The following SH3KBP1 variants were observed in gnomAD, a reference collection of about 807,000 sequenced individuals.
SH3KBP1 encodes the protein SH3 domain containing kinase binding protein 1.
SH3KBP1 carries 8 observed loss-of-function variants against 50.1 expected under a neutral mutation model. The ratio of observed to expected loss-of-function variants is 0.16; its 90% confidence interval spans 0.09 to 0.29. The LOEUF is 0.29. Among genes scored for constraint, SH3KBP1 ranks in the 10% least tolerant of loss-of-function variants. The pLI is 1.00. For synonymous variants in SH3KBP1, 227 were observed against 218.6 expected (o/e 1.04, Z -0.34); for missense variants, 377 against 535.2 (o/e 0.70, Z 2.92).
chrX:19,784,779 A>G (rs192646441), intron 2 of SH3KBP1, among the ~76,000 whole-genome samples: 7 of 109,719 alleles, frequency 6.4e-5, no homozygotes, highest in African/African-American at 2.3e-4. Context: ...TAATTTTTAT[A>G]TTTTTAGTAG....
chrX:19,551,559 T>G (rs2065241636), intron 13 of SH3KBP1, among the ~76,000 whole-genome samples: 1 of 105,623 alleles, frequency 9.5e-6, no homozygotes, highest in Non-Finnish European at 1.9e-5. Flanking sequence ...TCTTTTTTTT[T>G]TTTTTGACAG....
At chrX:19,544,102 G>A (rs1416164389) in intron 15 of SH3KBP1, among the ~76,000 whole-genome samples, 2 of 110,975 alleles carry the variant, frequency 1.8e-5, no homozygotes, top group Non-Finnish European at 3.8e-5. Context: ...CTGGATTCAG[G>A]CTGTGCTAGA....
intron 2 of SH3KBP1, among the ~76,000 whole-genome samples, chrX:19,775,406 C>T (rs1267260901): frequency 1.8e-5 from 2 of 112,070 alleles, no homozygotes; most frequent in African/African-American, 6.5e-5. Flanking sequence ...AGCCTGTAAG[C>T]CTTTTCTGGA....
At chrX:19,720,008 A>T (rs984779687) in intron 3 of SH3KBP1, among the ~76,000 whole-genome samples, 2 of 109,935 alleles carry the variant, frequency 1.8e-5, no homozygotes, top group African/African-American at 3.3e-5. Context: ...AATTGGGATG[A>T]TGGAGACAGA....
chrX:19,704,474 A>G (rs2063608086), intron 4 of SH3KBP1, among the ~76,000 whole-genome samples: 1 of 113,043 alleles, frequency 8.8e-6, no homozygotes, highest in Non-Finnish European at 1.9e-5. Context: ...CTTCTATGAC[A>G]GAAGCATTTT....
chrX:19,849,910 T>G (rs992865511), intron 1 of SH3KBP1, among the ~76,000 whole-genome samples: 2 of 111,659 alleles, frequency 1.8e-5, no homozygotes, highest in African/African-American at 6.5e-5. Flanking sequence ...ACAAAATATA[T>G]GCTGAAACAC....
chrX:19,634,452 G>A (rs1183602332), intron 7 of SH3KBP1, among the ~76,000 whole-genome samples: 1 of 111,767 alleles, frequency 8.9e-6, no homozygotes, highest in Non-Finnish European at 1.9e-5. Flanking sequence ...TAAGGCATTA[G>A]ACACAGAATT....
intron 3 of SH3KBP1, among the ~76,000 whole-genome samples, chrX:19,721,008 C>T (rs901150912): frequency 4.5e-5 from 5 of 111,252 alleles, no homozygotes; most frequent in African/African-American, 1.6e-4. Flanking sequence ...CATGTACCCT[C>T]TCTTTTGGGG....
intron 16 of SH3KBP1, among the ~76,000 whole-genome samples, chrX:19,541,596 T>C (rs2064902173): frequency 8.9e-6 from 1 of 112,538 alleles, no homozygotes; most frequent in Non-Finnish European, 1.9e-5. Flanking sequence ...GTGGTTCATG[T>C]ACATACTGTA....
chrX:19,678,803 T>G (rs1387273975), intron 6 of SH3KBP1, among the ~76,000 whole-genome samples: 1 of 111,253 alleles, frequency 9.0e-6, no homozygotes, highest in Non-Finnish European at 1.9e-5. Context: ...CACACTGCAG[T>G]TGGAATACTT....
chrX:19,560,478 G>A (rs2065639507), intron 13 of SH3KBP1, among the ~76,000 whole-genome samples: 1 of 111,454 alleles, frequency 9.0e-6, no homozygotes, highest in African/African-American at 3.3e-5. Flanking sequence ...TTTTTGTAGA[G>A]ACAGAGTATT....
chrX:19,793,689 C>T (rs1252028541), intron 2 of SH3KBP1, among the ~76,000 whole-genome samples: 1 of 111,837 alleles, frequency 8.9e-6, no homozygotes, highest in East Asian at 2.8e-4. Flanking sequence ...CTAGCACATT[C>T]CCACTGCCCT....
chrX:19,597,909 A>G lies in SH3KBP1; in HGVS notation c.1006-2909T>C, dbSNP rs149989420. Reference sequence around the variant, plus strand: ...CTTTCAATCAAAGGCTGTTTCATCAATGGAAAATCTGTTGTTTAGTGTAGC... The same window carrying G: ...CTTTCAATCAAAGGCTGTTTCATCAGTGGAAAATCTGTTGTTTAGTGTAGC... On this transcript the variant is annotated intron_variant, in intron 9 of 17. Transcript: ENST00000397821. Among the ~76,000 whole-genome samples, 223 of 113,016 alleles carry G rather than the reference A, an allele frequency of 2.0e-3. 1 individual carries two copies. Among genetic ancestry groups the G allele is most frequent in the Non-Finnish European group, 3.7e-3 (197 of 53,381 alleles).
rs778448678 is a variant in SH3KBP1 at position 19,658,697 on chromosome X, T to G, written c.727-13222A>C. ...CCCGTACCTCAGCCTCCCGAGTAGCTGCAGGCATCCACCACCACGCCCGGC... is the reference window on the plus strand; with the variant it reads ...CCCGTACCTCAGCCTCCCGAGTAGCGGCAGGCATCCACCACCACGCCCGGC... On this transcript the variant is annotated intron_variant, in intron 6 of 17. Transcript: ENST00000397821. 3.6e-3 allele frequency among the ~76,000 whole-genome samples: 393 copies of G among 109,062 alleles called. 4 individuals are homozygous for G. The highest frequency in any genetic ancestry group is 0.012 in the African/African-American group (356 of 29,784). The allele number at this position is 109,062 out of a possible 115,157, so 94.7% of individuals were successfully genotyped here.
At position 19,783,661 on chromosome X, in the gene SH3KBP1, C is replaced by G. The variant is rs1463430315; in HGVS notation, c.163-37220G>C. On this transcript the variant is annotated intron_variant, in intron 2 of 17. Coordinates refer to ENST00000397821, the MANE Select transcript of SH3KBP1 (RefSeq NM_031892.3). ...ACGTGCACAGACCCTAGAGTTTGAA[C>G]GGATCTCTGAAAATGGGAAATATCA... Among the ~76,000 whole-genome samples the G allele has an allele frequency of 4.5e-5, 5 of 111,161 alleles. No homozygotes were observed. In the Admixed American group the frequency reaches 4.8e-4, roughly 11 times the overall value.
chrX:19,545,952 C>T lies in SH3KBP1; in HGVS notation c.1593G>A (p.Lys531=). 8.3e-7 allele frequency: 1 copy of T among 1,211,433 alleles called. No individual in the cohort carries two copies. The highest frequency in any genetic ancestry group is 1.1e-6 in the Non-Finnish European group (1 of 895,259). The change falls in exon 15 of 18, where the codon AAG becomes AAA. Residue 531 remains lysine (K), a synonymous_variant. Transcript: ENST00000397821. The stretch of plus-strand genomic sequence containing the variant: ...ATATGGTAACAGTCTTGGAAGTTTT[C>T]TTTGACGCGTCCACTCCTCTGTGCG... ...SLAHRGVDAS[K]KTSKTVTISQ... is the part of the protein sequence containing the mutation.
At chrX:19,709,006 T>G (rs1266226839) in intron 3 of SH3KBP1, among the ~76,000 whole-genome samples, 2 of 111,950 alleles carry the variant, frequency 1.8e-5, no homozygotes, top group Non-Finnish European at 3.8e-5. Context: ...TAGCATCTAA[T>G]CCAACACTGC....
chrX:19,716,727 C>T (rs2063920525), intron 3 of SH3KBP1, among the ~76,000 whole-genome samples: 1 of 111,450 alleles, frequency 9.0e-6, no homozygotes, highest in South Asian at 3.8e-4. Context: ...TCCCTCATGT[C>T]CTGAGGCCAA....
intron 2 of SH3KBP1, among the ~76,000 whole-genome samples, chrX:19,811,572 T>C (rs1464667945): frequency 8.9e-6 from 1 of 112,475 alleles, no homozygotes; most frequent in East Asian, 2.8e-4. Context: ...TCAATTCCAA[T>C]TATGTTGTAG....
Sources: gnomAD v4.1 joint callset for allele counts (sites outside exome capture counted in the v4.1 genomes callset) on GRCh38, gnomAD v4.1.1 for gene constraint, MANE v1.5 for transcripts, NCBI Gene and HGNC (gene_info 2026-07-23, HGNC 2026-07-21) for gene names.